The following PCDH15 variants were observed in gnomAD, a reference collection of about 807,000 sequenced individuals.
PCDH15 encodes the protein protocadherin related 15, also known as protocadherin-15.
PCDH15 carries 129 observed loss-of-function variants against 178.5 expected under a neutral mutation model. The ratio of observed to expected loss-of-function variants is 0.72; its 90% CI spans 0.63 to 0.84. PCDH15 has a LOEUF of 0.84. Among genes scored for constraint, PCDH15 ranks in the 40% least tolerant of loss-of-function variants. The pLI is 0.00. For synonymous variants in PCDH15, 800 were observed against 732.0 expected, an observed-to-expected ratio of 1.09 and a Z score of -1.50; for missense variants, 2,230 against 2,099.9, an observed-to-expected ratio of 1.06 and a Z score of -1.21.
chr10:55,073,340 C>T (rs960971533), intron 2 of PCDH15, among the ~76,000 whole-genome samples: 37 of 151,962 alleles, frequency 2.4e-4, no homozygotes, highest in African/African-American at 8.9e-4. Flanking sequence ...GATTGTATAT[C>T]TAGAAAACCC....
At chr10:54,617,262 G>C (rs1189331337) in intron 2 of PCDH15, among the ~76,000 whole-genome samples, 2 of 151,636 alleles carry the variant, frequency 1.3e-5, no homozygotes, top group Non-Finnish European at 2.9e-5. Flanking sequence ...TTTCCAGTGG[G>C]ATGGTAGCCA....
intron 8 of PCDH15, among the ~76,000 whole-genome samples, chr10:54,257,063 A>AGATG (rs1431695909): frequency 1.4e-5 from 2 of 140,404 alleles, no homozygotes. Flanking sequence ...ATAGATAGAT[A>AGATG]GATAGATAGA....
At chr10:54,785,560 T>C (rs977885078) in intron 1 of PCDH15, among the ~76,000 whole-genome samples, 2 of 151,998 alleles carry the variant, frequency 1.3e-5, no homozygotes, top group Non-Finnish European at 2.9e-5. Context: ...GGAGTGCTGA[T>C]TTTCTAGCAT....
intron 8 of PCDH15, among the ~76,000 whole-genome samples, chr10:54,247,149 A>G (rs1176427475): frequency 6.6e-6 from 1 of 151,934 alleles, no homozygotes; most frequent in African/African-American, 2.4e-5. Flanking sequence ...AGTTTTATTT[A>G]TCCCTTTCTC....
chr10:54,567,341 A>C (rs895948536), intron 2 of PCDH15, among the ~76,000 whole-genome samples: 3 of 152,112 alleles, frequency 2.0e-5, no homozygotes, highest in African/African-American at 7.2e-5. Context: ...ATTTCAATGA[A>C]GGTCAGATTA....
intron 10 of PCDH15, 94 bp from the exon 11 acceptor site, chr10:54,195,983 TTAAC>T: frequency 1.9e-6 from 2 of 1,078,666 alleles, no homozygotes; most frequent in South Asian, 1.4e-5. Context: ...GGTTCTCTTT[TTAAC>T]TAATATCATC....
At chr10:54,948,869 G>T (rs1341659115) in intron 2 of PCDH15, among the ~76,000 whole-genome samples, 6 of 151,810 alleles carry the variant, frequency 4.0e-5, no homozygotes, top group South Asian at 2.1e-4. Context: ...ATAATTTTTG[G>T]CTAAATATCC....
At chr10:53,895,396 A>G (rs1203289912) in intron 26 of PCDH15, among the ~76,000 whole-genome samples, 4 of 152,168 alleles carry the variant, frequency 2.6e-5, no homozygotes, top group Admixed American at 6.5e-5. Flanking sequence ...CTTTTTCACA[A>G]TATTATTTTC....
intron 2 of PCDH15, among the ~76,000 whole-genome samples, chr10:54,576,942 C>T (rs891359051): frequency 5.4e-5 from 1 of 18,574 alleles, no homozygotes; most frequent in Non-Finnish European, 2.0e-4. Context: ...TAAAGACCAC[C>T]AAGTTATTTT....
At chr10:55,184,510 A>G (rs1345140120) in intron 1 of PCDH15, among the ~76,000 whole-genome samples, 2 of 152,032 alleles carry the variant, frequency 1.3e-5, no homozygotes. Flanking sequence ...ATTTCTCAAG[A>G]AAGTTGATGA....
At chr10:54,623,186 CT>C (rs1388629366) in intron 2 of PCDH15, among the ~76,000 whole-genome samples, 1 of 152,006 alleles carries the variant, frequency 6.6e-6, no homozygotes, top group African/African-American at 2.4e-5. Flanking sequence ...TACTTACAGC[CT>C]TACTCATCAA....
intron 2 of PCDH15, among the ~76,000 whole-genome samples, chr10:55,518,464 T>C (rs1052221187): frequency 6.6e-6 from 1 of 151,954 alleles, no homozygotes; most frequent in South Asian, 2.1e-4. Context: ...GGAAATCACT[T>C]CTCTTCTGAC....
At chr10:55,158,701 AAAAAG>A (rs1221395662) in intron 2 of PCDH15, among the ~76,000 whole-genome samples, 12 of 151,810 alleles carry the variant, frequency 7.9e-5, no homozygotes, top group African/African-American at 2.7e-4. Context: ...AGTAAAAAAA[AAAAAG>A]AAAGAAAGAA....
intron 21 of PCDH15, among the ~76,000 whole-genome samples, chr10:53,971,415 A>T (rs940905297): frequency 1.3e-5 from 2 of 152,182 alleles, no homozygotes; most frequent in Non-Finnish European, 2.9e-5. Context: ...CTTATTCAAC[A>T]TAGTGTTGGA....
intron 3 of PCDH15, among the ~76,000 whole-genome samples, chr10:54,864,040 AT>A (rs1953893496): frequency 6.6e-6 from 1 of 152,162 alleles, no homozygotes; most frequent in African/African-American, 2.4e-5. Context: ...CTACAGATAA[AT>A]TTTCAAAGGA....
At chr10:54,473,872 T>G (rs2078089605) in intron 3 of PCDH15, among the ~76,000 whole-genome samples, 1 of 151,800 alleles carries the variant, frequency 6.6e-6, no homozygotes, top group Non-Finnish European at 1.5e-5. Context: ...TATTCCAAAT[T>G]CCATTAGATT....
intron 18 of PCDH15, among the ~76,000 whole-genome samples, chr10:54,054,750 A>G (rs965952958): frequency 6.6e-6 from 1 of 152,278 alleles, no homozygotes; most frequent in Middle Eastern, 3.4e-3. Context: ...GACATTAGGT[A>G]GATTTCTATT....
At chr10:55,211,277 T>A (rs1419850918) in intron 1 of PCDH15, among the ~76,000 whole-genome samples, 1 of 152,098 alleles carries the variant, frequency 6.6e-6, no homozygotes, top group Non-Finnish European at 1.5e-5. Flanking sequence ...GTGAATAGAA[T>A]GCCCCACCAA....
intron 2 of PCDH15, among the ~76,000 whole-genome samples, chr10:55,625,472 T>C (rs1837507510): frequency 6.6e-6 from 1 of 152,160 alleles, no homozygotes; most frequent in Non-Finnish European, 1.5e-5. Context: ...GAATCACCCA[T>C]CCTGTTAGAT....
Sources: allele counts gnomAD v4.1 joint callset (sites outside exome capture counted in the v4.1 genomes callset), GRCh38; gene constraint gnomAD v4.1.1; transcripts MANE v1.5; gene names NCBI Gene and HGNC (gene_info 2026-07-23, HGNC 2026-07-21).